ACACB: variants seen among roughly 807,000 people sequenced by gnomAD.
ACACB encodes acetyl-CoA carboxylase beta, also known as acetyl-CoA carboxylase 2.
Under a neutral mutation model 278.8 loss-of-function variants are expected in ACACB, and 209 were observed. The observed-to-expected ratio is 0.75, with a 90% CI of 0.67 to 0.84. The LOEUF (loss-of-function observed/expected upper bound fraction) is 0.84. Among genes scored for constraint, ACACB ranks in the 40% least tolerant of loss-of-function variants. The pLI is 0.00. For missense variants in ACACB, 2,850 were observed against 3,269.0 expected (o/e 0.87, Z 3.13); for synonymous variants, 1,174 against 1,285.6 (o/e 0.91, Z 1.86).
chr12:109,245,253 A>G (rs965384882), intron 37 of ACACB, among the ~76,000 whole-genome samples: 1 of 152,144 alleles, frequency 6.6e-6, no homozygotes, highest in Non-Finnish European at 1.5e-5. Context: ...GCAAAACGAT[A>G]TTGTATGTTT....
intron 4 of ACACB, 83 bp downstream of exon 4, chr12:109,168,117 A>G: frequency 4.1e-6 from 6 of 1,457,370 alleles, no homozygotes; most frequent in Non-Finnish European, 5.6e-6. Flanking sequence ...AGGCAAGTCC[A>G]TCCTGGACTC....
intron 1 of ACACB, among the ~76,000 whole-genome samples, chr12:109,128,604 G>T (rs2042742311): frequency 3.9e-5 from 6 of 152,176 alleles, no homozygotes; most frequent in Admixed American, 3.3e-4. Flanking sequence ...CTCCCAAAGT[G>T]CTGGGATTAC....
At chr12:109,195,398 C>A (rs2045084391) in intron 16 of ACACB, among the ~76,000 whole-genome samples, 1 of 152,210 alleles carries the variant, frequency 6.6e-6, no homozygotes, top group African/African-American at 2.4e-5. Flanking sequence ...ACCTGTGTGT[C>A]ATTGATCAGG....
chr12:109,252,877 C>A, intron 42 of ACACB, 138 bp from the exon 43 acceptor site: 2 of 805,968 alleles, frequency 2.5e-6, no homozygotes, highest in Non-Finnish European at 3.6e-6. Context: ...CTGGATGTAG[C>A]CTGAGCATCA....
At chr12:109,265,039 T>C in intron 50 of ACACB, 71 bp from the exon 51 acceptor site, 1 of 1,513,978 alleles carries the variant, frequency 6.6e-7, no homozygotes, top group East Asian at 2.3e-5. Flanking sequence ...GCCACTGTCA[T>C]GGGTGTGGTC....
At chr12:109,189,095 C>A (rs2044772460) in intron 13 of ACACB, among the ~76,000 whole-genome samples, 1 of 152,184 alleles carries the variant, frequency 6.6e-6, no homozygotes, top group African/African-American at 2.4e-5. Flanking sequence ...GACACACCAT[C>A]TCCGACACTT....
At chr12:109,171,368 TAGAC>T (rs1409039245) in intron 4 of ACACB, among the ~76,000 whole-genome samples, 3 of 151,462 alleles carry the variant, frequency 2.0e-5, no homozygotes, top group Non-Finnish European at 2.9e-5. Context: ...TTTTTTTTAT[TAGAC>T]AGAGTCTCGT....
At chr12:109,164,174 C>T (rs187285127) in intron 2 of ACACB, among the ~76,000 whole-genome samples, 1 of 152,312 alleles carries the variant, frequency 6.6e-6, no homozygotes, top group African/African-American at 2.4e-5. Context: ...TTCTAGCAGC[C>T]TTGGAAGCCA....
chr12:109,135,359 A>C (rs2042940607), intron 1 of ACACB, among the ~76,000 whole-genome samples: 1 of 152,068 alleles, frequency 6.6e-6, no homozygotes, highest in South Asian at 2.1e-4. Flanking sequence ...TTGTCCACTT[A>C]AAAATTGGGT....
intron 44 of ACACB, among the ~76,000 whole-genome samples, chr12:109,255,129 C>T (rs55777728): frequency 0.039 from 5,982 of 152,170 alleles, 399 homozygotes; most frequent in African/African-American, 0.13. Context: ...CACGTGGACA[C>T]GTGAACACAC....
chr12:109,252,374 C>T (rs1217949594), intron 42 of ACACB: 1 of 391,366 alleles, frequency 2.6e-6, no homozygotes, highest in Non-Finnish European at 4.5e-6. Context: ...CCCTGTATTA[C>T]TGACATTTTA....
intron 19 of ACACB, among the ~76,000 whole-genome samples, chr12:109,205,421 A>G (rs2045472569): frequency 6.6e-6 from 1 of 151,156 alleles, no homozygotes; most frequent in Admixed American, 6.6e-5. Context: ...AGAAGCTATG[A>G]TCAGATTGTG....
intron 21 of ACACB, among the ~76,000 whole-genome samples, chr12:109,209,877 A>G (rs1263832258): frequency 3.0e-5 from 4 of 132,500 alleles, no homozygotes; most frequent in Admixed American, 1.5e-4. Flanking sequence ...ACATACACAC[A>G]CGTGTGTATA....
intron 34 of ACACB, 108 bp downstream of exon 34, chr12:109,237,488 C>A: frequency 8.4e-7 from 1 of 1,189,198 alleles, no homozygotes; most frequent in East Asian, 2.6e-5. Context: ...GGAGAGTACA[C>A]CAACACCCAG....
intron 1 of ACACB, among the ~76,000 whole-genome samples, chr12:109,136,924 T>A (rs1442928545): frequency 1.3e-5 from 2 of 152,266 alleles, no homozygotes; most frequent in African/African-American, 4.8e-5. Flanking sequence ...CTTGTCTTAT[T>A]CCTGGTTAAA....
chr12:109,266,183 C>T, intron 52 of ACACB, 53 bp from the exon 53 acceptor site: 1 of 1,585,040 alleles, frequency 6.3e-7, no homozygotes, highest in Non-Finnish European at 8.6e-7. Flanking sequence ...ACCCTTGGGG[C>T]CACTGAAAAA....
chr12:109,207,875 C>T (rs2045568044), intron 20 of ACACB, among the ~76,000 whole-genome samples: 1 of 152,006 alleles, frequency 6.6e-6, no homozygotes, highest in African/African-American at 2.4e-5. Context: ...AGACGGGGTT[C>T]TACCGTGTTG....
intron 49 of ACACB, chr12:109,263,135 C>T (rs1565986093): frequency 6.6e-6 from 1 of 151,280 alleles, no homozygotes; most frequent in South Asian, 2.1e-4. Context: ...TGAATGACAG[C>T]TTTGTTTTAC....
chr12:109,179,798 A>G (rs1408437810), intron 10 of ACACB, 119 bp from the exon 11 acceptor site: 10 of 1,265,452 alleles, frequency 7.9e-6, no homozygotes, highest in African/African-American at 1.5e-5. Context: ...GCCAGTCCCA[A>G]AATATTTCAC....
Sources: gnomAD v4.1 joint callset for allele counts (sites outside exome capture counted in the v4.1 genomes callset) on GRCh38, gnomAD v4.1.1 for gene constraint, MANE v1.5 for transcripts, NCBI Gene and HGNC (gene_info 2026-07-23, HGNC 2026-07-21) for gene names.